B3GAT2: variants seen among roughly 807,000 people sequenced by gnomAD.
B3GAT2 encodes galactosylgalactosylxylosylprotein 3-beta-glucuronosyltransferase 2.
B3GAT2 carries 26 observed loss-of-function variants against 27.8 expected under a neutral mutation model. The ratio of observed to expected loss-of-function variants is 0.93; its 90% confidence interval spans 0.68 to 1.30. The LOEUF is 1.30. Ranked by LOEUF, B3GAT2 falls within the 50% of genes most tolerant of loss-of-function variation. The probability of loss-of-function intolerance (pLI) is 0.00; values close to 1 mark genes in which losing one functional copy is unlikely to be tolerated. For missense variants in B3GAT2, 458 were observed against 459.0 expected (o/e 1.00, Z 0.02); for synonymous variants, 218 against 195.1 (o/e 1.12, Z -0.98).
At chr6:70,898,954 C>A (rs963689908) in intron 1 of B3GAT2, among the ~76,000 whole-genome samples, 2 of 148,632 alleles carry the variant, frequency 1.3e-5, no homozygotes, top group Non-Finnish European at 3.0e-5. Context: ...TGAAGCAAGA[C>A]CCTGGCTCAA....
intron 2 of B3GAT2, among the ~76,000 whole-genome samples, chr6:70,889,429 T>A (rs1772247779): frequency 1.3e-5 from 2 of 152,072 alleles, no homozygotes. Context: ...ACCCCCACTG[T>A]CCACCCACTC....
At chr6:70,925,180 C>T (rs533955406) in intron 1 of B3GAT2, among the ~76,000 whole-genome samples, 1 of 152,382 alleles carries the variant, frequency 6.6e-6, no homozygotes, top group African/African-American at 2.4e-5. Flanking sequence ...AGGATCGTTA[C>T]AAGATGGCCG....
intron 1 of B3GAT2, among the ~76,000 whole-genome samples, chr6:70,906,963 T>C (rs1006763065): frequency 6.6e-6 from 1 of 152,194 alleles, no homozygotes; most frequent in Non-Finnish European, 1.5e-5. Context: ...AAATATGCAA[T>C]GCTAGGCATC....
At chr6:70,897,810 AT>A (rs1412449310) in intron 1 of B3GAT2, among the ~76,000 whole-genome samples, 1 of 152,032 alleles carries the variant, frequency 6.6e-6, no homozygotes, top group Non-Finnish European at 1.5e-5. Flanking sequence ...TGAGGAACTG[AT>A]TGAAGTTCTT....
At chr6:70,885,425 A>C (rs982233298) in intron 2 of B3GAT2, among the ~76,000 whole-genome samples, 2 of 152,092 alleles carry the variant, frequency 1.3e-5, no homozygotes, top group African/African-American at 4.8e-5. Flanking sequence ...TCTGCTCCTA[A>C]ACAACTCTTT....
At chr6:70,891,517 T>C (rs532310522) in intron 2 of B3GAT2, among the ~76,000 whole-genome samples, 1 of 152,260 alleles carries the variant, frequency 6.6e-6, no homozygotes, top group East Asian at 1.9e-4. Flanking sequence ...ACATCGCAGT[T>C]TCAATGTTTG....
chr6:70,919,513 T>C (rs146184981), intron 1 of B3GAT2, among the ~76,000 whole-genome samples: 407 of 152,316 alleles, frequency 2.7e-3, no homozygotes, highest in Middle Eastern at 0.014. Flanking sequence ...CTTTCTTCTC[T>C]GGTTTCTCCC....
chr6:70,866,795 T>A (rs926116787), intron 2 of B3GAT2, among the ~76,000 whole-genome samples: 5 of 152,160 alleles, frequency 3.3e-5, no homozygotes, highest in Non-Finnish European at 1.5e-5. Flanking sequence ...TATGTAAGAC[T>A]TAAATAACAT....
intron 1 of B3GAT2, among the ~76,000 whole-genome samples, chr6:70,895,083 G>A (rs1772356751): frequency 6.6e-6 from 1 of 152,168 alleles, no homozygotes; most frequent in African/African-American, 2.4e-5. Context: ...CTAGAAAAAG[G>A]TGCCCCTTTC....
intron 2 of B3GAT2, among the ~76,000 whole-genome samples, chr6:70,867,560 C>T (rs1157518483): frequency 6.6e-6 from 1 of 151,974 alleles, no homozygotes; most frequent in East Asian, 1.9e-4. Flanking sequence ...AATTTGACAA[C>T]TTAGATCAAA....
In B3GAT2 at chr6:70,860,756, T is replaced by C. The variant is rs1307048362; in HGVS notation, c.*907A>G. The C allele has an allele frequency of 5.0e-6, 2 of 399,864 alleles. No homozygotes were observed. Among genetic ancestry groups the C allele is most frequent in the Non-Finnish European group, 8.8e-6 (2 of 226,640 alleles). 24.8% of individuals were successfully genotyped at this position (399,864 alleles called of 1,614,324 possible). ...TACTGTATGATCAAATGTTTAATCATATAAATAGAATGTAAATGTCTCACT... is the reference window on the plus strand; with the variant it reads ...TACTGTATGATCAAATGTTTAATCACATAAATAGAATGTAAATGTCTCACT... On this transcript the variant is annotated 3_prime_UTR_variant, in exon 4 of 4. Coordinates refer to ENST00000230053, the MANE Select transcript of B3GAT2 (RefSeq NM_080742.3).
chr6:70,870,532 A>C (rs1325224429), intron 2 of B3GAT2, among the ~76,000 whole-genome samples: 2 of 152,054 alleles, frequency 1.3e-5, no homozygotes, highest in African/African-American at 2.4e-5. Flanking sequence ...CCTAAAACTT[A>C]AAGTATAATA....
chr6:70,896,120 G>A (rs1772380509), intron 1 of B3GAT2, among the ~76,000 whole-genome samples: 1 of 152,116 alleles, frequency 6.6e-6, no homozygotes, highest in South Asian at 2.1e-4. Flanking sequence ...TCTTAAGTGG[G>A]TTTCCCTGGG....
rs963115975 is a variant in B3GAT2, at chr6:70,869,238, C to T, written c.737-7260G>A. Among the ~76,000 whole-genome samples the T allele has an allele frequency of 1.7e-4, 26 of 152,150 alleles. 1 individual carries two copies. On this transcript the variant is annotated intron_variant, in intron 2 of 3. Transcript: ENST00000230053. ...CTATGTTGTCCAGGCTGGTCTCAAA[C>T]TCCTGGGCTCGAGGGATGCTCCTGC...
chr6:70,897,671 ATATAT>A (rs1207245605), intron 1 of B3GAT2, among the ~76,000 whole-genome samples: 1,116 of 32,292 alleles, frequency 0.035, 9 homozygotes, highest in African/African-American at 0.071. Context: ...AAAAAAAAAA[ATATAT>A]ATATATATAT....
chr6:70,861,249 G>A lies in B3GAT2; in HGVS notation c.*414C>T. 1.1e-5 allele frequency: 2 copies of A among 176,434 alleles called. No homozygotes were observed. Among genetic ancestry groups the A allele is most frequent in the Admixed American group, 1.1e-4 (2 of 18,204 alleles). The allele number at this position is 176,434 out of a possible 1,614,324, so 10.9% of individuals were successfully genotyped here. A position where few individuals can be genotyped will look rare whatever the true frequency, so the allele number is the denominator to read the frequency against. ...AAATTACTTAGTATTGCAAAGTCAG[G>A]AATCATCAGGAACGTTTAGCTGACA... On this transcript the variant is annotated 3_prime_UTR_variant, in exon 4 of 4. Coordinates refer to ENST00000230053, the MANE Select transcript of B3GAT2 (RefSeq NM_080742.3).
At chr6:70,877,686 G>A (rs1296596546) in intron 2 of B3GAT2, among the ~76,000 whole-genome samples, 1 of 152,180 alleles carries the variant, frequency 6.6e-6, no homozygotes, top group Non-Finnish European at 1.5e-5. Context: ...CGGCGGGGGT[G>A]GAGCTGCTCA....
At chr6:70,921,028 C>T (rs2150042128) in intron 1 of B3GAT2, among the ~76,000 whole-genome samples, 1 of 152,246 alleles carries the variant, frequency 6.6e-6, no homozygotes, top group South Asian at 2.1e-4. Flanking sequence ...TGTAGGTGAC[C>T]TGCCCCTTTT....
At position 70,860,220 on chromosome 6, in the gene B3GAT2, C is replaced by T. The variant is rs1402949441; in HGVS notation, c.*1443G>A. 1 of 1,610,790 alleles carries T rather than the reference C, an allele frequency of 6.2e-7. No individual in the cohort carries two copies. Among genetic ancestry groups the T allele is most frequent in the East Asian group, 2.2e-5 (1 of 44,798 alleles). ...CACAGATGAATCAGCAGATGGCTGG[C>T]ATGAGTATCAGTAGTGCAACCCCTA... is the stretch of plus-strand genomic sequence containing the variant. On this transcript the variant is annotated 3_prime_UTR_variant, in exon 4 of 4. Transcript: ENST00000230053.
Sources: gnomAD v4.1 joint callset for allele counts (sites outside exome capture counted in the v4.1 genomes callset) on GRCh38, gnomAD v4.1.1 for gene constraint, MANE v1.5 for transcripts, NCBI Gene and HGNC (gene_info 2026-07-23, HGNC 2026-07-21) for gene names.